Variants in SLC33A1 observed in about 807,000 individuals in gnomAD.
SLC33A1 encodes solute carrier family 33 member 1, also known as acetyl-coenzyme A transporter 1.
In SLC33A1, 20 loss-of-function variants were observed where a neutral mutation model predicts 50.0. The observed-to-expected ratio is 0.40, with a 90% confidence interval of 0.28 to 0.58. The LOEUF is 0.58. Ranked by LOEUF, SLC33A1 falls within the 20% of genes least tolerant of loss-of-function variation. The pLI is 0.44. For synonymous variants in SLC33A1, 265 were observed against 251.8 expected (o/e 1.05, Z -0.50); for missense variants, 476 against 657.0 (o/e 0.72, Z 3.01).
intron 1 of SLC33A1, among the ~76,000 whole-genome samples, chr3:155,845,690 C>T (rs1357438057): frequency 6.6e-6 from 1 of 152,056 alleles, no homozygotes; most frequent in Non-Finnish European, 1.5e-5. Flanking sequence ...CAAATCAGAC[C>T]AATGTTGATA....
intron 2 of SLC33A1, among the ~76,000 whole-genome samples, chr3:155,841,835 C>T (rs958640848): frequency 2.0e-5 from 3 of 152,090 alleles, no homozygotes; most frequent in Non-Finnish European, 4.4e-5. Flanking sequence ...GCAACCTCTA[C>T]GTCCTGGGTT....
chr3:155,842,397 A>G, intron 2 of SLC33A1, 35 bp downstream of exon 2: 1 of 1,402,614 alleles, frequency 7.1e-7, no homozygotes, highest in Non-Finnish European at 1.0e-6. Flanking sequence ...TGATACTTAT[A>G]AGAAAATGAT....
chr3:155,841,734 T>TTTTA lies in SLC33A1; in HGVS notation c.963+694_963+697dup, dbSNP rs548569925. The stretch of plus-strand genomic sequence containing the variant: ...CTAATACTCATATACTTCTATATCT[T>TTTTA]TTTATTTATTTATTTATTTATTTAT... On this transcript the variant is annotated intron_variant, in intron 2 of 5. Coordinates refer to ENST00000643144, the MANE Select transcript of SLC33A1 (RefSeq NM_004733.4). 5.7e-3 allele frequency among the ~76,000 whole-genome samples: 858 copies of TTTTA among 151,830 alleles called. 1 individual carries two copies. Among genetic ancestry groups the TTTTA allele is most frequent in the Admixed American group, 0.016 (251 of 15,216 alleles).
rs1752117553 is a variant in SLC33A1, at chr3:155,822,639, A to G, written c.*5571T>C. Reference sequence around the variant, plus strand: ...TAAGGATTGTACCTGTACCTTGTGCATTTCAGTCATGCCATTTAATCATTA... The same window carrying G: ...TAAGGATTGTACCTGTACCTTGTGCGTTTCAGTCATGCCATTTAATCATTA... On this transcript the variant is annotated 3_prime_UTR_variant, in exon 6 of 6. Transcript: ENST00000643144. 1 of 151,878 alleles carries G rather than the reference A, an allele frequency of 6.6e-6. No homozygotes were observed. Among genetic ancestry groups the G allele is most frequent in the Non-Finnish European group, 1.5e-5 (1 of 67,982 alleles). The allele number at this position is 151,878 out of a possible 1,614,324, so 9.4% of individuals were successfully genotyped here.
chr3:155,842,888 G>A (rs983047953), intron 1 of SLC33A1: 1 of 209,562 alleles, frequency 4.8e-6, no homozygotes, highest in Non-Finnish European at 9.3e-6. Flanking sequence ...CACATCTGTA[G>A]TCCCAGCCAC....
Position 155,854,093 on chromosome 3 carries a change from G to T in SLC33A1, c.-96C>A. On this transcript the variant is annotated 5_prime_UTR_variant, in exon 1 of 6. Transcript: ENST00000643144. ...TCCAAGGCTGTCGCGCTGGACCAGGGTTTCGGTGGTTCACGGGATGGTGGC... is the reference window on the plus strand; with the variant it reads ...TCCAAGGCTGTCGCGCTGGACCAGGTTTTCGGTGGTTCACGGGATGGTGGC... 1 of 1,003,738 alleles carries T rather than the reference G, an allele frequency of 1.0e-6. No homozygotes were observed. The highest frequency in any genetic ancestry group is 1.4e-6 in the Non-Finnish European group (1 of 698,420). The allele number at this position is 1,003,738 out of a possible 1,614,324, so 62.2% of individuals were successfully genotyped here.
At position 155,833,950 on chromosome 3, in the gene SLC33A1, A is replaced by T. The variant is rs1383419219; in HGVS notation, c.1055T>A (p.Met352Lys). 1.9e-6 allele frequency: 3 copies of T among 1,613,610 alleles called. No homozygotes were observed. Among genetic ancestry groups the T allele is most frequent in the Non-Finnish European group, 2.5e-6 (3 of 1,179,660 alleles). The change falls in exon 3 of 6, where the codon ATG (methionine) becomes AAG (lysine). Residue 352 changes from methionine (M) to lysine (K), a missense_variant. By Grantham distance (95) the Met-to-Lys change is moderately conservative. Coordinates refer to ENST00000643144, the MANE Select transcript of SLC33A1 (RefSeq NM_004733.4). The part of the protein sequence containing the change: ...KEHLALLAVP[M>K]VPLQIILPLI... ...AGGCAGTATTATCTGCAAAGGAACC[A>T]TTGGAACTGCCAATAAGGCTAAATG... is the stretch of plus-strand genomic sequence containing the variant.
rs989880502 is a variant in SLC33A1, at chr3:155,827,247, T to A, written c.*963A>T. ...CTCTCTCTTTAAAGTATTAGTTTTT[T>A]AAATTATGGTACTGCCCATTTAAAT... On this transcript the variant is annotated 3_prime_UTR_variant, in exon 6 of 6. Transcript: ENST00000643144. The A allele has an allele frequency of 6.6e-6, 1 of 152,212 alleles. No homozygotes were observed. The highest frequency in any genetic ancestry group is 1.5e-5 in the Non-Finnish European group (1 of 68,026). 9.4% of individuals were successfully genotyped at this position (152,212 alleles called of 1,614,324 possible).
chr3:155,829,475 T>A (rs1752323963), intron 5 of SLC33A1, among the ~76,000 whole-genome samples: 1 of 152,152 alleles, frequency 6.6e-6, no homozygotes, highest in South Asian at 2.1e-4. Context: ...GCCTCTCCTT[T>A]ACTGAGAAAC....
At chr3:155,846,154 G>A (rs1285207478) in intron 1 of SLC33A1, among the ~76,000 whole-genome samples, 1 of 152,174 alleles carries the variant, frequency 6.6e-6, no homozygotes, top group Non-Finnish European at 1.5e-5. Context: ...TCTATTATAA[G>A]ATCTGGGAAA....
Position 155,826,502 on chromosome 3 carries a change from C to G in SLC33A1, c.*1708G>C, listed in dbSNP as rs1346017886. 2 of 151,686 alleles carry G rather than the reference C, an allele frequency of 1.3e-5. No homozygotes were observed. Among genetic ancestry groups the G allele is most frequent in the Non-Finnish European group, 2.9e-5 (2 of 67,930 alleles). The allele number at this position is 151,686 out of a possible 1,614,324, so 9.4% of individuals were successfully genotyped here. A position where few individuals can be genotyped will look rare whatever the true frequency, so the allele number is the denominator to read the frequency against. On this transcript the variant is annotated 3_prime_UTR_variant, in exon 6 of 6. Coordinates refer to ENST00000643144, the MANE Select transcript of SLC33A1 (RefSeq NM_004733.4). ...GTTTCTTAATCCAAAAATTAAAAAT[C>G]AAAACACATTTCATATGTAAGAGTT...
rs144035184 is a variant in SLC33A1 at position 155,852,014 on chromosome 3, G to A, written c.775+1209C>T. On this transcript the variant is annotated intron_variant, in intron 1 of 5. Coordinates refer to ENST00000643144, the MANE Select transcript of SLC33A1 (RefSeq NM_004733.4). The stretch of plus-strand genomic sequence containing the variant: ...GGTAGCACAGAAGCTGAGAAGTTCA[G>A]TTGCTTAAATTTCAAAACAGAATCC... Among the ~76,000 whole-genome samples the A allele has an allele frequency of 4.6e-5, 7 of 152,292 alleles. No homozygotes were observed. In the East Asian group the frequency reaches 1.2e-3, roughly 25 times the overall value.
At chr3:155,851,687 G>A (rs1369188509) in intron 1 of SLC33A1, among the ~76,000 whole-genome samples, 1 of 152,024 alleles carries the variant, frequency 6.6e-6, no homozygotes, top group African/African-American at 2.4e-5. Context: ...CAAAGTGCTG[G>A]GATTACAGGT....
chr3:155,836,782 C>T (rs76772882), intron 2 of SLC33A1, among the ~76,000 whole-genome samples: 2,086 of 152,122 alleles, frequency 0.014, 31 homozygotes, highest in Non-Finnish European at 0.021. Context: ...CATGCCTGTA[C>T]TTGGGTGACT....
chr3:155,835,387 C>T (rs1266178047), intron 2 of SLC33A1, among the ~76,000 whole-genome samples: 1 of 152,150 alleles, frequency 6.6e-6, no homozygotes, highest in East Asian at 1.9e-4. Flanking sequence ...AAAGAGACCT[C>T]GGCAGAGCTT....
chr3:155,840,351 G>T (rs896978422), intron 2 of SLC33A1, among the ~76,000 whole-genome samples: 13 of 151,768 alleles, frequency 8.6e-5, no homozygotes. Flanking sequence ...GCCTCCCAAA[G>T]TGCTGGGATT....
intron 1 of SLC33A1, among the ~76,000 whole-genome samples, chr3:155,843,660 C>T (rs1014098948): frequency 2.6e-5 from 4 of 152,078 alleles, no homozygotes; most frequent in African/African-American, 7.3e-5. Flanking sequence ...TTACATGTAT[C>T]AACTCCTTTA....
chr3:155,848,084 T>C (rs1233279015), intron 1 of SLC33A1, among the ~76,000 whole-genome samples: 1 of 152,192 alleles, frequency 6.6e-6, no homozygotes, highest in Admixed American at 6.6e-5. Flanking sequence ...AGATCTGGCC[T>C]GAAGACATAG....
intron 1 of SLC33A1, chr3:155,845,166 G>C (rs1456478815): frequency 1.3e-5 from 2 of 152,080 alleles, no homozygotes; most frequent in African/African-American, 2.4e-5. Context: ...GACTTAAGTA[G>C]TTCCATTTTT....
Sources: gnomAD v4.1 joint callset for allele counts (sites outside exome capture counted in the v4.1 genomes callset) on GRCh38, gnomAD v4.1.1 for gene constraint, MANE v1.5 for transcripts, NCBI Gene and HGNC (gene_info 2026-07-23, HGNC 2026-07-21) for gene names.